STXBP5L: variants seen among roughly 807,000 people sequenced by gnomAD.
STXBP5L encodes the protein syntaxin-binding protein 5-like.
Under a neutral mutation model 144.5 loss-of-function variants are expected in STXBP5L, and 65 were observed. That is an observed-to-expected ratio of 0.45 (90% CI 0.37 to 0.55). The LOEUF (loss-of-function observed/expected upper bound fraction) is 0.55, where lower values mean the gene tolerates loss of function less well. STXBP5L is among the 20% of genes least tolerant of loss of function. The pLI is 0.00. For synonymous variants in STXBP5L, 505 were observed against 469.6 expected (o/e 1.08, Z -0.97); for missense variants, 1,298 against 1,405.5 (o/e 0.92, Z 1.22).
chr3:121,397,175 G>A (rs190213385), intron 22 of STXBP5L, among the ~76,000 whole-genome samples: 26 of 152,290 alleles, frequency 1.7e-4, no homozygotes, highest in Non-Finnish European at 1.5e-4. Flanking sequence ...AATGCAAACC[G>A]TTCACATTCT....
At chr3:121,013,926 T>C (rs1320354611) in intron 3 of STXBP5L, among the ~76,000 whole-genome samples, 1 of 152,076 alleles carries the variant, frequency 6.6e-6, no homozygotes, top group Non-Finnish European at 1.5e-5. Context: ...TTTGTCAACT[T>C]TGTCAAAGAT....
rs991461110 is a variant in STXBP5L, at chr3:121,423,989, C to A, written c.*4892C>A. 2.0e-5 allele frequency: 3 copies of A among 152,168 alleles called. No homozygotes were observed. Among genetic ancestry groups the A allele is most frequent in the African/African-American group, 7.2e-5 (3 of 41,440 alleles). The allele number at this position is 152,168 out of a possible 1,614,324, so 9.4% of individuals were successfully genotyped here. A position where few individuals can be genotyped will look rare whatever the true frequency, so the allele number is the denominator to read the frequency against. On this transcript the variant is annotated 3_prime_UTR_variant, in exon 27 of 27. Transcript: ENST00000471454. Reference sequence around the variant, plus strand: ...TAGGTTTTTTTTCAATTGTCTTACACATGTGACATCACAAGATACCAGAAG... The same window carrying A: ...TAGGTTTTTTTTCAATTGTCTTACAAATGTGACATCACAAGATACCAGAAG...
intron 3 of STXBP5L, among the ~76,000 whole-genome samples, chr3:121,027,681 G>A (rs896719313): frequency 5.9e-5 from 9 of 151,636 alleles, no homozygotes; most frequent in African/African-American, 1.5e-4. Flanking sequence ...TTGTAGTTAC[G>A]GTGAGCCCAC....
chr3:121,195,837 G>A (rs2047898105), intron 9 of STXBP5L, among the ~76,000 whole-genome samples: 1 of 152,146 alleles, frequency 6.6e-6, no homozygotes. Context: ...GAAGGAGACT[G>A]GGCACACAGT....
At chr3:121,302,035 T>C (rs1205652074) in intron 19 of STXBP5L, among the ~76,000 whole-genome samples, 4 of 152,360 alleles carry the variant, frequency 2.6e-5, no homozygotes, top group Admixed American at 6.5e-5. Context: ...TGCCCGGCTT[T>C]GGTATCAGGA....
intron 14 of STXBP5L, among the ~76,000 whole-genome samples, chr3:121,242,327 TTGTC>T (rs1230869255): frequency 6.6e-6 from 1 of 152,168 alleles, no homozygotes; most frequent in Non-Finnish European, 1.5e-5. Context: ...TATAATCACA[TTGTC>T]TGGTGTGGTT....
intron 22 of STXBP5L, among the ~76,000 whole-genome samples, chr3:121,396,628 A>G (rs886443769): frequency 3.3e-5 from 5 of 152,258 alleles, no homozygotes; most frequent in African/African-American, 1.2e-4. Context: ...AGAATGTACC[A>G]TTTGGTAAGT....
chr3:120,947,108 A>G (rs1710903777), intron 2 of STXBP5L, among the ~76,000 whole-genome samples: 1 of 151,820 alleles, frequency 6.6e-6, no homozygotes, highest in South Asian at 2.1e-4. Context: ...ACAAAAGAAA[A>G]CAAGCAAAGC....
At chr3:121,324,680 T>C in intron 20 of STXBP5L, 1 of 572,610 alleles carries the variant, frequency 1.7e-6, no homozygotes. Flanking sequence ...TTATTCTCAT[T>C]TGTTGTGGTG....
intron 10 of STXBP5L, among the ~76,000 whole-genome samples, chr3:121,215,813 A>G (rs2048756503): frequency 6.6e-6 from 1 of 152,106 alleles, no homozygotes; most frequent in African/African-American, 2.4e-5. Context: ...ACTCTGTTCC[A>G]TTCTCCCTGT....
chr3:121,022,852 A>C lies in STXBP5L; in HGVS notation c.288-18848A>C, dbSNP rs150522256. 2.6e-5 allele frequency among the ~76,000 whole-genome samples: 4 copies of C among 152,280 alleles called. No individual in the cohort carries two copies. In the East Asian group the frequency reaches 5.8e-4, roughly 22 times the overall value. On this transcript the variant is annotated intron_variant, in intron 3 of 26. Coordinates refer to ENST00000471454, the MANE Select transcript of STXBP5L (RefSeq NM_001308330.2). ...TCCCCCTGAGAACTGGAAAAAGATA[A>C]AGATACCCACTTTTACCACTTCTAG...
intron 11 of STXBP5L, among the ~76,000 whole-genome samples, chr3:121,223,812 G>C (rs533038024): frequency 7.9e-5 from 12 of 152,070 alleles, no homozygotes; most frequent in African/African-American, 2.9e-4. Flanking sequence ...TTTTAATAAT[G>C]TGGCCAGGTG....
intron 9 of STXBP5L, among the ~76,000 whole-genome samples, chr3:121,183,561 C>T (rs1191306): frequency 1.4e-5 from 2 of 145,076 alleles, no homozygotes; most frequent in African/African-American, 5.1e-5. Context: ...GCAAGCAAGA[C>T]AAAGAGAGAA....
intron 7 of STXBP5L, among the ~76,000 whole-genome samples, chr3:121,130,775 A>G (rs1292420856): frequency 6.6e-6 from 1 of 152,170 alleles, no homozygotes; most frequent in Non-Finnish European, 1.5e-5. Context: ...TTCCACTTGA[A>G]AATGTTAAAA....
At chr3:121,320,169 T>A (rs1466892425) in intron 20 of STXBP5L, among the ~76,000 whole-genome samples, 2 of 152,204 alleles carry the variant, frequency 1.3e-5, no homozygotes, top group Non-Finnish European at 2.9e-5. Context: ...TCTCTGTTTA[T>A]GTGTGTCTAC....
intron 22 of STXBP5L, among the ~76,000 whole-genome samples, chr3:121,400,438 T>C (rs915370736): frequency 2.6e-5 from 4 of 152,200 alleles, no homozygotes; most frequent in Non-Finnish European, 5.9e-5. Context: ...ATGTCTCAGA[T>C]TGAGAGTCTT....
intron 20 of STXBP5L, among the ~76,000 whole-genome samples, chr3:121,347,985 C>G (rs2108602311): frequency 6.6e-6 from 1 of 152,254 alleles, no homozygotes; most frequent in South Asian, 2.1e-4. Flanking sequence ...CCAGAACTTC[C>G]AACACTATGT....
intron 20 of STXBP5L, among the ~76,000 whole-genome samples, chr3:121,374,270 T>C (rs2046118063): frequency 6.6e-6 from 1 of 152,244 alleles, no homozygotes. Flanking sequence ...CAAAGCCATG[T>C]ACCCAACTTA....
At chr3:121,101,235 C>T (rs1350204879) in intron 5 of STXBP5L, among the ~76,000 whole-genome samples, 1 of 152,086 alleles carries the variant, frequency 6.6e-6, no homozygotes, top group African/African-American at 2.4e-5. Flanking sequence ...CTTTATTACT[C>T]ATTTTATGAA....
Sources: gnomAD v4.1 joint callset for allele counts (sites outside exome capture counted in the v4.1 genomes callset) on GRCh38, gnomAD v4.1.1 for gene constraint, MANE v1.5 for transcripts, NCBI Gene and HGNC (gene_info 2026-07-23, HGNC 2026-07-21) for gene names.